The following MAML2 variants were observed in gnomAD, a reference collection of about 807,000 sequenced individuals.
The protein encoded by MAML2 is mastermind-like protein 2.
In MAML2, 22 loss-of-function variants were observed where a neutral mutation model predicts 96.1. The ratio of observed to expected loss-of-function variants is 0.23; its 90% CI spans 0.16 to 0.33. MAML2 has a LOEUF of 0.33. MAML2 is among the 10% of genes least tolerant of loss of function. MAML2 has a pLI of 1.00. For synonymous variants in MAML2, 561 were observed against 521.3 expected (o/e 1.08, Z -1.04); for missense variants, 1,367 against 1,392.4 (o/e 0.98, Z 0.29).
At chr11:96,276,267 G>A (rs1252422226) in intron 1 of MAML2, among the ~76,000 whole-genome samples, 1 of 152,166 alleles carries the variant, frequency 6.6e-6, no homozygotes, top group Non-Finnish European at 1.5e-5. Flanking sequence ...CCACTTTACT[G>A]AGAGGAAGGC....
rs536691778 is a variant in MAML2, at chr11:96,299,123, T to C, written c.513+42260A>G. Among the ~76,000 whole-genome samples the C allele has an allele frequency of 2.1e-5, 3 of 144,976 alleles. No homozygotes were observed. In the South Asian group the frequency reaches 6.7e-4, roughly 32 times the overall value. On this transcript the variant is annotated intron_variant, in intron 1 of 4. Transcript: ENST00000524717. ...TTTGTAACACAAAGCCAAGTTGGTATTAATGTGCTGATTTTTACAGAAGAG... is the reference window on the plus strand; with the variant it reads ...TTTGTAACACAAAGCCAAGTTGGTACTAATGTGCTGATTTTTACAGAAGAG...
chr11:96,121,869 C>T (rs1366680974), intron 1 of MAML2, among the ~76,000 whole-genome samples: 1 of 134,600 alleles, frequency 7.4e-6, no homozygotes, highest in East Asian at 2.2e-4. Context: ...TCTCTGCAAG[C>T]TCCGCCTCCC....
chr11:96,335,597 G>C (rs1043884004), intron 1 of MAML2, among the ~76,000 whole-genome samples: 3 of 152,176 alleles, frequency 2.0e-5, no homozygotes, highest in Non-Finnish European at 1.5e-5. Flanking sequence ...CTTGAAGATG[G>C]GTAGTACAGA....
intron 2 of MAML2, among the ~76,000 whole-genome samples, chr11:96,039,457 A>AG (rs1198194868): frequency 2.6e-5 from 4 of 152,142 alleles, no homozygotes; most frequent in African/African-American, 9.6e-5. Flanking sequence ...ATTCCATAAA[A>AG]GTAACATAGG....
At chr11:96,001,969 C>G (rs1017327486) in intron 2 of MAML2, among the ~76,000 whole-genome samples, 1 of 152,188 alleles carries the variant, frequency 6.6e-6, no homozygotes, top group Non-Finnish European at 1.5e-5. Context: ...CACTCTTTCT[C>G]TGCCTTTTCC....
At chr11:96,186,859 A>G (rs535686276) in intron 1 of MAML2, among the ~76,000 whole-genome samples, 1 of 152,336 alleles carries the variant, frequency 6.6e-6, no homozygotes, top group East Asian at 1.9e-4. Flanking sequence ...TAGCCAGTGT[A>G]TCTCATAGAG....
chr11:96,264,267 C>T (rs1452754379), intron 1 of MAML2, among the ~76,000 whole-genome samples: 2 of 152,136 alleles, frequency 1.3e-5, no homozygotes, highest in African/African-American at 4.8e-5. Context: ...GTATGGAACC[C>T]ATCCATGTGT....
At chr11:96,019,671 CTGA>C (rs550366462) in intron 2 of MAML2, among the ~76,000 whole-genome samples, 36,519 of 108,192 alleles carry the variant, frequency 0.34, 4,997 homozygotes, top group East Asian at 0.53. Flanking sequence ...CAGCCAAGGG[CTGA>C]TAATAATAAT....
At chr11:96,043,920 G>A (rs1858855405) in intron 2 of MAML2, among the ~76,000 whole-genome samples, 1 of 152,236 alleles carries the variant, frequency 6.6e-6, no homozygotes, top group African/African-American at 2.4e-5. Flanking sequence ...AACTCTGGTA[G>A]TAACTTCCAT....
At chr11:96,250,413 C>T (rs1453091886) in intron 1 of MAML2, among the ~76,000 whole-genome samples, 2 of 152,150 alleles carry the variant, frequency 1.3e-5, no homozygotes, top group Non-Finnish European at 2.9e-5. Context: ...TGGGAACATA[C>T]ACTATCCGCC....
intron 1 of MAML2, among the ~76,000 whole-genome samples, chr11:96,209,763 A>G (rs1237840681): frequency 3.9e-5 from 6 of 152,248 alleles, no homozygotes; most frequent in African/African-American, 1.4e-4. Flanking sequence ...CCACTTTAAC[A>G]GTGCCACGAA....
At chr11:96,047,611 G>T (rs999785733) in intron 2 of MAML2, among the ~76,000 whole-genome samples, 5 of 152,016 alleles carry the variant, frequency 3.3e-5, no homozygotes, top group Non-Finnish European at 5.9e-5. Flanking sequence ...AAAAAATGTA[G>T]TTAAAACTAG....
chr11:96,286,548 G>C (rs1039853287), intron 1 of MAML2, among the ~76,000 whole-genome samples: 2 of 151,486 alleles, frequency 1.3e-5, no homozygotes, highest in African/African-American at 4.8e-5. Flanking sequence ...TAAACTGTTA[G>C]TATTAGTATA....
intron 1 of MAML2, among the ~76,000 whole-genome samples, chr11:96,285,698 A>C (rs484953): frequency 0.26 from 39,776 of 152,110 alleles, 5,327 homozygotes; most frequent in East Asian, 0.33. Flanking sequence ...GAAGACATTC[A>C]GGGGGCCAAA....
intron 1 of MAML2, among the ~76,000 whole-genome samples, chr11:96,180,822 C>T (rs1454855823): frequency 1.3e-5 from 2 of 152,038 alleles, no homozygotes; most frequent in African/African-American, 4.8e-5. Flanking sequence ...TACAGGCGGG[C>T]TGAGTCCGAA....
chr11:96,107,042 T>G (rs918436297), intron 1 of MAML2, among the ~76,000 whole-genome samples: 12 of 128,892 alleles, frequency 9.3e-5, no homozygotes, highest in African/African-American at 3.4e-4. Context: ...CAAAACTCAC[T>G]CCTCAGAGCC....
At chr11:96,152,159 C>T (rs1253396222) in intron 1 of MAML2, among the ~76,000 whole-genome samples, 6 of 152,152 alleles carry the variant, frequency 3.9e-5, no homozygotes, top group Non-Finnish European at 8.8e-5. Flanking sequence ...GGGTTTGAGG[C>T]TGCAATGAGC....
At chr11:96,282,520 TA>T (rs774480458) in intron 1 of MAML2, among the ~76,000 whole-genome samples, 81 of 152,332 alleles carry the variant, frequency 5.3e-4, no homozygotes, top group Non-Finnish European at 1.0e-3. Flanking sequence ...GCAATTTTTC[TA>T]ATTTTTTAGT....
At chr11:96,239,933 A>G (rs1440728256) in intron 1 of MAML2, among the ~76,000 whole-genome samples, 1 of 152,220 alleles carries the variant, frequency 6.6e-6, no homozygotes, top group Non-Finnish European at 1.5e-5. Flanking sequence ...CAAATTAGGG[A>G]AACAATTGAT....
Sources: gnomAD v4.1 joint callset for allele counts (sites outside exome capture counted in the v4.1 genomes callset) on GRCh38, gnomAD v4.1.1 for gene constraint, MANE v1.5 for transcripts, NCBI Gene and HGNC (gene_info 2026-07-23, HGNC 2026-07-21) for gene names.